The following HSD17B12 variants were observed in gnomAD, a reference collection of about 807,000 sequenced individuals.
HSD17B12 encodes very-long-chain 3-oxoacyl-CoA reductase.
In HSD17B12, 32 loss-of-function variants were observed where a neutral mutation model predicts 39.3. The observed-to-expected ratio is 0.81, with a 90% confidence interval of 0.61 to 1.09. HSD17B12 has a LOEUF of 1.09. HSD17B12 is among the 50% of genes least tolerant of loss of function. The pLI, the probability that HSD17B12 is intolerant of heterozygous loss-of-function variation, is 0.00. For synonymous variants in HSD17B12, 150 were observed against 146.7 expected, an observed-to-expected ratio of 1.02 and a Z score of -0.16; for missense variants, 342 against 382.9, an observed-to-expected ratio of 0.89 and a Z score of 0.89.
chr11:43,560,232 C>A, the HSD17B12 span, among the ~76,000 whole-genome samples: 3 of 152,262 alleles, frequency 2.0e-5, no homozygotes, highest in South Asian at 2.1e-4. Flanking sequence ...CTTACCAGAA[C>A]AATGGAGATG....
At chr11:43,597,215 T>G in the HSD17B12 span, among the ~76,000 whole-genome samples, 1 of 152,264 alleles carries the variant, frequency 6.6e-6, no homozygotes, top group Middle Eastern at 3.4e-3. Context: ...GTCAGGAGCA[T>G]GTGAACCATG....
At chr11:43,752,769 T>C (rs911984792) in intron 2 of HSD17B12, among the ~76,000 whole-genome samples, 1 of 152,084 alleles carries the variant, frequency 6.6e-6, no homozygotes, top group Admixed American at 6.6e-5. Context: ...TTTATTAAGA[T>C]GGTGTTTTTC....
At chr11:43,624,630 T>C in the HSD17B12 span, among the ~76,000 whole-genome samples, 1 of 151,820 alleles carries the variant, frequency 6.6e-6, no homozygotes, top group Non-Finnish European at 1.5e-5. Flanking sequence ...ATATAAAGGT[T>C]CAGAAATTCA....
At chr11:43,727,580 G>A (rs1290043083) in intron 1 of HSD17B12, among the ~76,000 whole-genome samples, 1 of 151,580 alleles carries the variant, frequency 6.6e-6, no homozygotes, top group Non-Finnish European at 1.5e-5. Context: ...TCAGCCTCCT[G>A]AGTAGCTGGG....
the HSD17B12 span, among the ~76,000 whole-genome samples, chr11:43,671,424 G>A: frequency 4.6e-5 from 7 of 152,298 alleles, no homozygotes; most frequent in Admixed American, 3.3e-4. Context: ...CAGGTAATCC[G>A]CCAATTTTGG....
chr11:43,746,605 T>C (rs534201743), intron 1 of HSD17B12, among the ~76,000 whole-genome samples: 3 of 152,322 alleles, frequency 2.0e-5, no homozygotes, highest in African/African-American at 7.2e-5. Context: ...GCTAACTTTT[T>C]TCCTGTAAAG....
chr11:43,754,433 G>A lies in HSD17B12; in HGVS notation c.283+312G>A, dbSNP rs575816708. Among the ~76,000 whole-genome samples the A allele has an allele frequency of 1.8e-3, 279 of 152,044 alleles. 2 individuals carry two copies. The highest frequency in any genetic ancestry group is 6.4e-3 in the African/African-American group (265 of 41,498). ...ACTAAAAATTAAAAAAAAATTAGCCGGGTATGGTGGCGGGCACCTGTAATC... is the reference window on the plus strand; with the variant it reads ...ACTAAAAATTAAAAAAAAATTAGCCAGGTATGGTGGCGGGCACCTGTAATC... On this transcript the variant is annotated intron_variant, in intron 3 of 10. Transcript: ENST00000278353.
the HSD17B12 span, among the ~76,000 whole-genome samples, chr11:43,575,469 G>A: frequency 6.6e-6 from 1 of 152,254 alleles, no homozygotes; most frequent in Non-Finnish European, 1.5e-5. This position sits in a 1 kb window ranked among gnomAD's most constrained non-coding sequence, Gnocchi z 4.1. Flanking sequence ...GGGAGCGTGT[G>A]CACGGCCGAG....
chr11:43,577,135 T>G, the HSD17B12 span, among the ~76,000 whole-genome samples: 1 of 152,242 alleles, frequency 6.6e-6, no homozygotes, highest in Non-Finnish European at 1.5e-5. Flanking sequence ...TGGTTCGGGC[T>G]GGCCCAAGAC....
intron 1 of HSD17B12, among the ~76,000 whole-genome samples, chr11:43,735,139 GTA>G (rs1340164392): frequency 6.6e-6 from 1 of 152,154 alleles, no homozygotes; most frequent in East Asian, 1.9e-4. Context: ...TCCATTGTAT[GTA>G]TATACTACAC....
At chr11:43,588,476 C>T in the HSD17B12 span, among the ~76,000 whole-genome samples, 3 of 152,058 alleles carry the variant, frequency 2.0e-5, no homozygotes, top group Non-Finnish European at 4.4e-5. Flanking sequence ...TTTATCTTCT[C>T]GATTTCTTCA....
chr11:43,814,988 C>T (rs1169461558), intron 4 of HSD17B12, among the ~76,000 whole-genome samples: 1 of 152,184 alleles, frequency 6.6e-6, no homozygotes, highest in Non-Finnish European at 1.5e-5. Flanking sequence ...GCATATTGTA[C>T]ATGACTTATC....
chr11:43,649,560 A>G, the HSD17B12 span, among the ~76,000 whole-genome samples: 27 of 152,372 alleles, frequency 1.8e-4, no homozygotes, highest in African/African-American at 5.3e-4. Context: ...TGGCTGGGCA[A>G]TTCACAAAAG....
chr11:43,684,569 A>C (rs1212296166), intron 1 of HSD17B12, among the ~76,000 whole-genome samples: 3 of 152,260 alleles, frequency 2.0e-5, no homozygotes, highest in Non-Finnish European at 4.4e-5. Flanking sequence ...ATATTTTATA[A>C]CTTTAAACAT....
the HSD17B12 span, chr11:43,578,972 G>A: frequency 6.6e-6 from 1 of 152,044 alleles, no homozygotes; most frequent in Admixed American, 6.5e-5. Context: ...ACTGCAAAAA[G>A]TGAGTAATGC....
At chr11:43,675,254 G>A in the HSD17B12 span, among the ~76,000 whole-genome samples, 1 of 152,208 alleles carries the variant, frequency 6.6e-6, no homozygotes, top group African/African-American at 2.4e-5. Flanking sequence ...CTAGAGCAGA[G>A]GATAAAGCTA....
chr11:43,771,434 G>C lies in HSD17B12; in HGVS notation c.283+17313G>C. On this transcript the variant is annotated intron_variant, in intron 3 of 10. Coordinates refer to ENST00000278353, the MANE Select transcript of HSD17B12 (RefSeq NM_016142.3). Reference sequence around the variant, plus strand: ...ACATTATATACATTCATTTCTGTTGGATATATATGTAGGAGTGGACTCATA... The same window carrying C: ...ACATTATATACATTCATTTCTGTTGCATATATATGTAGGAGTGGACTCATA... Among the ~76,000 whole-genome samples, 3 of 146,462 alleles carry C rather than the reference G, an allele frequency of 2.0e-5. No homozygotes were observed. The Middle Eastern group carries it at 0.011, about 538-fold the overall frequency.
At chr11:43,846,433 G>A (rs964052601) in intron 9 of HSD17B12, among the ~76,000 whole-genome samples, 1 of 152,228 alleles carries the variant, frequency 6.6e-6, no homozygotes, top group Non-Finnish European at 1.5e-5. Flanking sequence ...GGAGGCTGAG[G>A]CAGGCAGATC....
chr11:43,557,140 G>A, the HSD17B12 span, among the ~76,000 whole-genome samples: 1 of 152,182 alleles, frequency 6.6e-6, no homozygotes, highest in East Asian at 1.9e-4. Flanking sequence ...GGTCTTGTAT[G>A]TGTGGTTTTT....
Sources: gnomAD v4.1 joint callset for allele counts (sites outside exome capture counted in the v4.1 genomes callset) on GRCh38, gnomAD v4.1.1 for gene constraint, Gnocchi (gnomAD v3.1) non-coding constraint, MANE v1.5 for transcripts, NCBI Gene and HGNC (gene_info 2026-07-23, HGNC 2026-07-21) for gene names.